Variants in DNAH3 observed in about 807,000 individuals in gnomAD.
The protein encoded by DNAH3 is axonemal beta dynein heavy chain 3.
In DNAH3, 332 loss-of-function variants were observed where a neutral mutation model predicts 432.5. That is an observed-to-expected ratio of 0.77 (90% CI 0.70 to 0.84). The LOEUF (loss-of-function observed/expected upper bound fraction) is 0.84, where lower values mean the gene tolerates loss of function less well. Among genes scored for constraint, DNAH3 ranks in the 40% least tolerant of loss-of-function variants. DNAH3 has a pLI of 0.00. For missense variants in DNAH3, 4,861 were observed against 5,114.0 expected (o/e 0.95, Z 1.51); for synonymous variants, 1,956 against 1,900.2 (o/e 1.03, Z -0.76).
rs9302391 is a variant in DNAH3, at chr16:21,139,320, C to CTT, written c.696+1214_696+1215dup. Among the ~76,000 whole-genome samples, 238 of 29,610 alleles carry CTT rather than the reference C, an allele frequency of 8.0e-3. 77 individuals are homozygous for CTT. The highest frequency in any genetic ancestry group is 0.038 in the African/African-American group (230 of 6,090). 19.4% of individuals were successfully genotyped at this position (29,610 alleles called of 152,430 possible). ...AATGTAGCTTGAGACTTTCCTCATG[C>CTT]TTTTTTTTTTTTTTTTTTTTTTTTT... On this transcript the variant is annotated intron_variant, in intron 5 of 61. Coordinates refer to ENST00000261383, the Ensembl canonical transcript of DNAH3.
At chr16:20,966,198 C>A (rs1300869711) in intron 52 of DNAH3, among the ~76,000 whole-genome samples, 1 of 151,096 alleles carries the variant, frequency 6.6e-6, no homozygotes, top group Non-Finnish European at 1.5e-5. Context: ...CCACCACACC[C>A]GGCTAATTTT....
At chr16:21,091,223 G>GA (rs1347609135) in intron 18 of DNAH3, among the ~76,000 whole-genome samples, 7 of 151,522 alleles carry the variant, frequency 4.6e-5, no homozygotes, top group South Asian at 2.1e-4. Flanking sequence ...GTTATCATCA[G>GA]AAAAAAAATG....
At chr16:21,075,789 A>G (rs1357731847) in intron 20 of DNAH3, among the ~76,000 whole-genome samples, 5 of 151,802 alleles carry the variant, frequency 3.3e-5, no homozygotes, top group African/African-American at 9.7e-5. Context: ...GTATGCCTGT[A>G]GTTCTAGCTA....
chr16:21,008,642 T>C (rs748220668), intron 41 of DNAH3, among the ~76,000 whole-genome samples: 22 of 152,170 alleles, frequency 1.4e-4, no homozygotes, highest in Non-Finnish European at 4.4e-5. Flanking sequence ...GAGTTTCTCT[T>C]AGACCTTTTG....
At chr16:21,036,346 AC>A (rs574495868) in intron 35 of DNAH3, among the ~76,000 whole-genome samples, 2 of 152,056 alleles carry the variant, frequency 1.3e-5, no homozygotes, top group Non-Finnish European at 2.9e-5. Context: ...AAACAAACAA[AC>A]AAACACAAAA....
intron 22 of DNAH3, 105 bp from the exon 23 acceptor site, chr16:21,069,699 G>A (rs2090712089): frequency 1.0e-6 from 1 of 1,003,068 alleles, no homozygotes; most frequent in Admixed American, 2.6e-5. Context: ...CATTCATTCA[G>A]TCTGTCACTT....
chr16:21,071,397 C>T (rs2090776923), intron 21 of DNAH3, among the ~76,000 whole-genome samples: 1 of 151,764 alleles, frequency 6.6e-6, no homozygotes, highest in South Asian at 2.1e-4. Flanking sequence ...TGGTCTCGAA[C>T]TCCTGGCCTC....
At chr16:21,104,860 G>A (rs113231440) in intron 15 of DNAH3, among the ~76,000 whole-genome samples, 2,223 of 152,298 alleles carry the variant, frequency 0.015, 60 homozygotes, top group African/African-American at 0.05. Flanking sequence ...GCATCAGAGA[G>A]GAATTCAAAT....
chr16:21,136,013 G>C (rs1745722895), intron 6 of DNAH3, among the ~76,000 whole-genome samples: 1 of 152,192 alleles, frequency 6.6e-6, no homozygotes, highest in Non-Finnish European at 1.5e-5. Flanking sequence ...TGCTGGTGTA[G>C]ACATCAGTGA....
intron 19 of DNAH3, 137 bp from the exon 20 acceptor site, chr16:21,081,864 A>T: frequency 1.6e-6 from 1 of 606,246 alleles, no homozygotes; most frequent in African/African-American, 1.9e-5. Flanking sequence ...GCTGTTGAGC[A>T]CCAGAGATGT....
At chr16:20,934,660 A>G (rs1352555988) in intron 61 of DNAH3, among the ~76,000 whole-genome samples, 3 of 152,208 alleles carry the variant, frequency 2.0e-5, no homozygotes, top group African/African-American at 7.2e-5. Context: ...GAACCATTGC[A>G]AGTAAAGGAC....
exon 46 of DNAH3, chr16:20,987,698 G>A (rs2086268200): frequency 6.2e-7 from 1 of 1,613,610 alleles, no homozygotes; most frequent in Non-Finnish European, 8.5e-7. Context: ...CTGACCTGCA[G>A]GTGTGTGTGA....
rs920840164 is a variant in DNAH3, at chr16:21,027,238, T to C, written c.5440-111A>G. On this transcript the variant is annotated intron_variant, in intron 37 of 61. Coordinates refer to ENST00000261383, the Ensembl canonical transcript of DNAH3. Reference sequence around the variant, plus strand: ...GTTTGATTCATTCCATAAATATTTCTTGAGCACTTATGATGTCCCAGGCAC... The same window carrying C: ...GTTTGATTCATTCCATAAATATTTCCTGAGCACTTATGATGTCCCAGGCAC... 4 of 779,210 alleles carry C rather than the reference T, an allele frequency of 5.1e-6. No homozygotes were observed. The Admixed American group carries it at 8.3e-5, about 16-fold the overall frequency. The allele number at this position is 779,210 out of a possible 1,614,324, so 48.3% of individuals were successfully genotyped here. A position where few individuals can be genotyped will look rare whatever the true frequency, so the allele number is the denominator to read the frequency against.
chr16:21,146,169 T>C (rs2092780542), intron 1 of DNAH3, 81 bp from the exon 3 acceptor site: 1 of 902,660 alleles, frequency 1.1e-6, no homozygotes, highest in African/African-American at 1.7e-5. Flanking sequence ...ACTAAAGAGG[T>C]CCCCAGGAAA....
At chr16:21,155,515 C>T (rs892834539) in intron 1 of DNAH3, among the ~76,000 whole-genome samples, 12 of 147,836 alleles carry the variant, frequency 8.1e-5, no homozygotes, top group African/African-American at 2.0e-4. Flanking sequence ...CCAGCTACTC[C>T]GGAGGCTTTG....
chr16:21,069,548 C>A (rs1360515507), exon 23 of DNAH3: 1 of 1,613,420 alleles, frequency 6.2e-7, no homozygotes, highest in Non-Finnish European at 8.5e-7. Flanking sequence ...GCATTTCAAC[C>A]AGGCATCCAA....
intron 14 of DNAH3, among the ~76,000 whole-genome samples, chr16:21,111,360 G>A (rs75351510): frequency 6.6e-5 from 10 of 152,146 alleles, no homozygotes; most frequent in Non-Finnish European, 4.4e-5. Context: ...TCCTGAATTT[G>A]CCTGCAAGAA....
At chr16:21,070,892 A>T in intron 21 of DNAH3, 66 bp from the exon 22 acceptor site, 3 of 1,059,114 alleles carry the variant, frequency 2.8e-6, no homozygotes, top group Non-Finnish European at 4.4e-6. Flanking sequence ...TTCCTTTTTT[A>T]AAAATTTATT....
intron 44 of DNAH3, among the ~76,000 whole-genome samples, chr16:20,989,395 C>T (rs1597074599): frequency 6.6e-6 from 1 of 151,666 alleles, no homozygotes; most frequent in Non-Finnish European, 1.5e-5. Flanking sequence ...GGTGTGTTTA[C>T]AATCCTTGAG....
Sources: gnomAD v4.1 joint callset for allele counts (sites outside exome capture counted in the v4.1 genomes callset) on GRCh38, gnomAD v4.1.1 for gene constraint, MANE v1.5 for transcripts, NCBI Gene and HGNC (gene_info 2026-07-23, HGNC 2026-07-21) for gene names.